The following JMJD1C variants were observed in gnomAD, a reference collection of about 807,000 sequenced individuals.
The protein encoded by JMJD1C is jumonji domain-containing protein 1C.
Under a neutral mutation model 245.3 loss-of-function variants are expected in JMJD1C, and 31 were observed. The ratio of observed to expected loss-of-function variants is 0.13; its 90% confidence interval spans 0.09 to 0.17. JMJD1C has a LOEUF of 0.17. JMJD1C is among the 10% of genes least tolerant of loss of function. The pLI is 1.00. For missense variants in JMJD1C, 2,691 were observed against 3,000.2 expected, an observed-to-expected ratio of 0.90 and a Z score of 2.41; for synonymous variants, 1,057 against 1,017.4, an observed-to-expected ratio of 1.04 and a Z score of -0.74.
In JMJD1C at chr10:63,209,244, A is replaced by G. The variant is rs537938353; in HGVS notation, c.2695-9T>C. 10 of 1,583,098 alleles carry G rather than the reference A, an allele frequency of 6.3e-6. No homozygotes were observed. The African/African-American group carries it at 9.5e-5, about 15-fold the overall frequency. On this transcript the variant is annotated splice_polypyrimidine_tract_variant and intron_variant, in intron 8 of 25. Coordinates refer to ENST00000399262, the MANE Select transcript of JMJD1C (RefSeq NM_032776.3). ...CAAGGACTGGGAGAATTCTATTAAC[A>G]AAACAAAACAAAAAAAACACCTAGA... is the stretch of plus-strand genomic sequence containing the variant.
intron 1 of JMJD1C, among the ~76,000 whole-genome samples, chr10:63,455,629 T>C (rs1952362094): frequency 6.6e-6 from 1 of 152,140 alleles, no homozygotes; most frequent in Non-Finnish European, 1.5e-5. Flanking sequence ...AAAGTTTCTC[T>C]CTTTAAAAAT....
chr10:63,324,132 C>T (rs1941250964), intron 2 of JMJD1C, among the ~76,000 whole-genome samples: 2 of 151,102 alleles, frequency 1.3e-5, no homozygotes, highest in Non-Finnish European at 1.5e-5. Flanking sequence ...AGTCTACTAG[C>T]TCAAATGCTA....
At chr10:63,279,362 CAG>C (rs1857160776) in intron 2 of JMJD1C, among the ~76,000 whole-genome samples, 1 of 151,846 alleles carries the variant, frequency 6.6e-6, no homozygotes, top group Admixed American at 6.6e-5. Context: ...TCCATTGAAA[CAG>C]AAAAAAAATT....
chr10:63,465,754 G>C lies in JMJD1C; in HGVS notation c.-92C>G. The C allele has an allele frequency of 6.9e-7, 1 of 1,452,186 alleles. No individual in the cohort carries two copies. Among genetic ancestry groups the C allele is most frequent in the South Asian group, 1.2e-5 (1 of 85,564 alleles). 90.0% of individuals were successfully genotyped at this position (1,452,186 alleles called of 1,614,324 possible). A position where few individuals can be genotyped will look rare whatever the true frequency, so the allele number is the denominator to read the frequency against. On this transcript the variant is annotated 5_prime_UTR_variant, in exon 1 of 26. Coordinates refer to ENST00000399262, the MANE Select transcript of JMJD1C (RefSeq NM_032776.3). ...CCGGCCGCTCATGCTGAGGAGAGCGGACCGGGACACAGCAGCGGACCCGAA... is the reference window on the plus strand; with the variant it reads ...CCGGCCGCTCATGCTGAGGAGAGCGCACCGGGACACAGCAGCGGACCCGAA...
In JMJD1C at chr10:63,208,299, T is replaced by C; in HGVS notation, c.3370A>G (p.Asn1124Asp). Residue 1124 changes from asparagine (N) to aspartate (D), a missense_variant, in exon 10 of 26, where the codon AAT becomes GAT. Asn to Asp is a conservative substitution (Grantham distance 23, BLOSUM62 1). This residue lies in a region of JMJD1C where 1,562 missense variants were observed against 1,490.7 expected (regional missense o/e 1.05). Coordinates refer to ENST00000399262, the MANE Select transcript of JMJD1C (RefSeq NM_032776.3). ...TTAGCTGCTGCCGCTGCAAGGGCAT[T>C]ACTCTGTTTATCACCGTAAATATTT... ...VSNIYGDKQS[N>D]ALAAAAANPQ... 6.2e-7 allele frequency: 1 copy of C among 1,614,142 alleles called. No individual in the cohort carries two copies. Among genetic ancestry groups the C allele is most frequent in the Non-Finnish European group, 8.5e-7 (1 of 1,180,004 alleles).
intron 2 of JMJD1C, among the ~76,000 whole-genome samples, chr10:63,308,468 G>A (rs901055243): frequency 6.6e-6 from 1 of 151,964 alleles, no homozygotes; most frequent in East Asian, 1.9e-4. Flanking sequence ...AAGGGTCCAC[G>A]AACAAAGACA....
intron 1 of JMJD1C, among the ~76,000 whole-genome samples, chr10:63,426,914 A>AC (rs1339067480): frequency 6.6e-6 from 1 of 152,208 alleles, no homozygotes; most frequent in Non-Finnish European, 1.5e-5. Flanking sequence ...TTAAAAATAC[A>AC]CTTTATCATC....
chr10:63,276,644 T>C (rs565745794), intron 2 of JMJD1C, among the ~76,000 whole-genome samples: 2 of 152,074 alleles, frequency 1.3e-5, no homozygotes, highest in South Asian at 4.1e-4. Flanking sequence ...AATCTTTGTA[T>C]TTTTAGTAGG....
intron 2 of JMJD1C, among the ~76,000 whole-genome samples, chr10:63,341,710 A>G (rs1943394583): frequency 6.6e-6 from 1 of 152,222 alleles, no homozygotes; most frequent in Admixed American, 6.5e-5. Context: ...AATTCTCATT[A>G]AAAATAATGT....
At chr10:63,423,112 G>A (rs534453525) in intron 1 of JMJD1C, among the ~76,000 whole-genome samples, 7 of 152,004 alleles carry the variant, frequency 4.6e-5, no homozygotes, top group African/African-American at 1.7e-4. Context: ...TTACAAGCAT[G>A]TGCCACCACA....
At position 63,189,466 on chromosome 10, in the gene JMJD1C, AC is replaced by A; in HGVS notation, c.6292-21del. 6.4e-7 allele frequency: 1 copy of A among 1,569,930 alleles called. No homozygotes were observed. Among genetic ancestry groups the A allele is most frequent in the Non-Finnish European group, 8.6e-7 (1 of 1,164,976 alleles). ...GCTACTCTATTAAGGAAAAAACAAAACAAAAAAAACCTGTTTTTGAGAGAAA... is the reference window on the plus strand; with the variant it reads ...GCTACTCTATTAAGGAAAAAACAAAAAAAAAAAACCTGTTTTTGAGAGAAA... On this transcript the variant is annotated intron_variant, in intron 17 of 25. Coordinates refer to ENST00000399262, the MANE Select transcript of JMJD1C (RefSeq NM_032776.3).
intron 3 of JMJD1C, among the ~76,000 whole-genome samples, chr10:63,235,997 G>T (rs377520399): frequency 6.6e-6 from 1 of 152,222 alleles, no homozygotes; most frequent in East Asian, 1.9e-4. Flanking sequence ...TCCAAGACTA[G>T]AAATGGATAT....
chr10:63,198,891 A>G (rs998529669), intron 11 of JMJD1C, among the ~76,000 whole-genome samples, 164 bp from the exon 12 acceptor site: 1 of 152,196 alleles, frequency 6.6e-6, no homozygotes, highest in African/African-American at 2.4e-5. Context: ...TATTGAATTA[A>G]TTTAAATAAC....
At chr10:63,415,407 G>A (rs1949743483) in intron 1 of JMJD1C, among the ~76,000 whole-genome samples, 1 of 151,916 alleles carries the variant, frequency 6.6e-6, no homozygotes, top group Non-Finnish European at 1.5e-5. Context: ...TTCCTTCAAA[G>A]CTTTTATATA....
At chr10:63,227,306 G>A (rs1001451819) in intron 3 of JMJD1C, among the ~76,000 whole-genome samples, 2 of 152,124 alleles carry the variant, frequency 1.3e-5, no homozygotes, top group African/African-American at 4.8e-5. Flanking sequence ...ATAAGGTAGA[G>A]TGCTCCTTGC....
intron 1 of JMJD1C, among the ~76,000 whole-genome samples, chr10:63,429,675 C>T (rs928196681): frequency 1.3e-5 from 2 of 152,126 alleles, no homozygotes; most frequent in African/African-American, 4.8e-5. Context: ...GAAAGCAGCA[C>T]CTTGGCATCT....
intron 1 of JMJD1C, among the ~76,000 whole-genome samples, chr10:63,480,300 GA>G (rs1393141968): frequency 1.3e-5 from 2 of 149,696 alleles, no homozygotes; most frequent in Admixed American, 6.7e-5. Flanking sequence ...GAATCCTCCA[GA>G]AACAGCCTAA....
intron 1 of JMJD1C, among the ~76,000 whole-genome samples, chr10:63,449,048 C>G (rs1951876029): frequency 6.6e-6 from 1 of 152,038 alleles, no homozygotes; most frequent in South Asian, 2.1e-4. Flanking sequence ...ACCCAGGAGG[C>G]AGAGGCTGCA....
intron 1 of JMJD1C, among the ~76,000 whole-genome samples, chr10:63,450,020 G>A (rs1951943553): frequency 6.6e-6 from 1 of 152,096 alleles, no homozygotes; most frequent in African/African-American, 2.4e-5. Flanking sequence ...GGCTGAGATA[G>A]GAGGCTCACT....
Sources: gnomAD v4.1 joint callset for allele counts (sites outside exome capture counted in the v4.1 genomes callset) on GRCh38, gnomAD v4.1.1 for gene constraint, gnomAD v4.1.1 regional missense constraint, MANE v1.5 for transcripts, NCBI Gene and HGNC (gene_info 2026-07-23, HGNC 2026-07-21) for gene names.